MERTK: variants seen among roughly 807,000 people sequenced by gnomAD.
The protein encoded by MERTK is tyrosine-protein kinase Mer.
In MERTK, 69 loss-of-function variants were observed where a neutral mutation model predicts 99.3. That is an observed-to-expected ratio of 0.70 (90% CI 0.57 to 0.85). MERTK has a LOEUF of 0.85. MERTK is among the 40% of genes least tolerant of loss of function. The pLI is 0.00. For synonymous variants in MERTK, 426 were observed against 467.6 expected (o/e 0.91, Z 1.15); for missense variants, 1,125 against 1,249.4 (o/e 0.90, Z 1.50).
intron 6 of MERTK, among the ~76,000 whole-genome samples, chr2:111,972,920 A>G (rs1455335025): frequency 6.6e-6 from 1 of 152,158 alleles, no homozygotes; most frequent in Non-Finnish European, 1.5e-5. Flanking sequence ...GGGACCAAGT[A>G]TGGCTTTGTA....
chr2:111,915,712 A>C (rs1023980803), intron 1 of MERTK, among the ~76,000 whole-genome samples: 13 of 152,126 alleles, frequency 8.5e-5, no homozygotes, highest in African/African-American at 3.1e-4. Context: ...TCTGACCAAC[A>C]TGGTGAAACC....
chr2:111,942,026 T>C (rs903866411), intron 2 of MERTK, among the ~76,000 whole-genome samples: 32 of 152,196 alleles, frequency 2.1e-4, no homozygotes, highest in Non-Finnish European at 4.1e-4. Flanking sequence ...GCTTTGTACC[T>C]CTGGTCTGGG....
chr2:111,964,300 C>T (rs1000013319), intron 4 of MERTK, among the ~76,000 whole-genome samples: 15 of 151,782 alleles, frequency 9.9e-5, no homozygotes, highest in African/African-American at 3.4e-4. Context: ...TCAAATTGTT[C>T]CAGCTTTGGC....
chr2:111,935,653 G>A (rs1473764234), intron 2 of MERTK, among the ~76,000 whole-genome samples: 6 of 90,646 alleles, frequency 6.6e-5, no homozygotes, highest in Non-Finnish European at 1.8e-4. Context: ...GTGTGTGTGT[G>A]TGTGTGTGTG....
intron 6 of MERTK, among the ~76,000 whole-genome samples, chr2:111,969,594 C>CCCACTT: frequency 6.6e-6 from 1 of 152,158 alleles, no homozygotes; most frequent in Admixed American, 6.5e-5. Context: ...CTTAACGCCT[C>CCCACTT]CCACTTTTAT....
At position 112,029,125 on chromosome 2, in the gene MERTK, C is replaced by A; in HGVS notation, c.*261C>A. The A allele has an allele frequency of 9.8e-6, 11 of 1,121,430 alleles. No homozygotes were observed. The highest frequency in any genetic ancestry group is 5.1e-5 in the East Asian group (1 of 19,512). 69.5% of individuals were successfully genotyped at this position (1,121,430 alleles called of 1,614,324 possible). ...TACTTATTTCATTTCACTTATCTTG[C>A]ATATCTTAAAATTAAGCTTCAGCTG... On this transcript the variant is annotated 3_prime_UTR_variant, in exon 19 of 19. Transcript: ENST00000295408.
intron 16 of MERTK, 69 bp downstream of exon 16, chr2:112,019,591 A>G: frequency 8.5e-7 from 1 of 1,178,380 alleles, no homozygotes; most frequent in East Asian, 2.3e-5. Flanking sequence ...GGTTAGTGAG[A>G]GGACCTGTTC....
chr2:112,024,726 T>G (rs902210344), intron 18 of MERTK: 6 of 152,330 alleles, frequency 3.9e-5, no homozygotes, highest in African/African-American at 1.2e-4. Flanking sequence ...GCCAGGAGTT[T>G]GAAATCAGCC....
At chr2:111,939,700 C>T (rs541890387) in intron 2 of MERTK, among the ~76,000 whole-genome samples, 2 of 91,996 alleles carry the variant, frequency 2.2e-5, no homozygotes, top group African/African-American at 8.8e-5. Flanking sequence ...GATGGGTTCT[C>T]GTTATGTTGC....
chr2:111,966,049 A>G (rs994475691), intron 5 of MERTK, among the ~76,000 whole-genome samples: 28 of 152,238 alleles, frequency 1.8e-4, no homozygotes, highest in African/African-American at 6.8e-4. Context: ...ATTAGGTAGT[A>G]TCTTTTTATT....
At chr2:112,025,185 G>T (rs1171196664) in intron 18 of MERTK, among the ~76,000 whole-genome samples, 1 of 152,070 alleles carries the variant, frequency 6.6e-6, no homozygotes, top group Admixed American at 6.5e-5. Flanking sequence ...CTCTTCCTTC[G>T]TGGGGCTGCA....
intron 10 of MERTK, 87 bp from the exon 11 acceptor site, chr2:112,001,114 G>A (rs141952124): frequency 0.017 from 17,138 of 991,900 alleles, 204 homozygotes; most frequent in Non-Finnish European, 0.022. Flanking sequence ...ATTGAAAAGC[G>A]GAAGCTCTGT....
intron 2 of MERTK, among the ~76,000 whole-genome samples, chr2:111,938,826 A>G (rs75924842): frequency 0.022 from 3,321 of 152,158 alleles, 117 homozygotes; most frequent in African/African-American, 0.075. Context: ...AATGGAGATT[A>G]CCCATCTCTT....
chr2:112,009,268 A>G (rs1011709816), intron 14 of MERTK, among the ~76,000 whole-genome samples: 18 of 152,212 alleles, frequency 1.2e-4, no homozygotes, highest in Admixed American at 2.6e-4. Flanking sequence ...ATTCACTGCT[A>G]TTGGCTTCAG....
At chr2:112,028,264 A>G in intron 18 of MERTK, 87 bp from the exon 19 acceptor site, 3 of 1,391,702 alleles carry the variant, frequency 2.2e-6, no homozygotes, top group Non-Finnish European at 3.1e-6. Flanking sequence ...TTAAAATGTG[A>G]TAAAGATTCT....
intron 13 of MERTK, among the ~76,000 whole-genome samples, chr2:112,007,217 C>A (rs550559350): frequency 8.1e-4 from 124 of 152,270 alleles, no homozygotes; most frequent in Middle Eastern, 6.8e-3. Flanking sequence ...TGCGGTAGCA[C>A]GATCTCAGCT....
chr2:112,022,637 G>T lies in MERTK; in HGVS notation c.2486+243G>T. The T allele has an allele frequency of 2.0e-5, 15 of 738,258 alleles. 1 individual carries two copies. The South Asian group carries it at 2.0e-4, about 10-fold the overall frequency. 45.7% of individuals were successfully genotyped at this position (738,258 alleles called of 1,614,324 possible). A position where few individuals can be genotyped will look rare whatever the true frequency, so the allele number is the denominator to read the frequency against. ...CATCCAAAGGGCCTCAGTCTCGAAC[G>T]ACAGGCACGGTCAAGACAAGGCAAT... On this transcript the variant is annotated intron_variant, in intron 18 of 18. Coordinates refer to ENST00000295408, the MANE Select transcript of MERTK (RefSeq NM_006343.3).
chr2:111,970,547 A>G (rs534075668), intron 6 of MERTK, among the ~76,000 whole-genome samples: 2 of 152,342 alleles, frequency 1.3e-5, no homozygotes, highest in African/African-American at 4.8e-5. Flanking sequence ...TGCAGCCATT[A>G]CCACTATCTA....
chr2:111,905,076 T>G (rs1364108420), intron 1 of MERTK, among the ~76,000 whole-genome samples: 1 of 152,228 alleles, frequency 6.6e-6, no homozygotes, highest in African/African-American at 2.4e-5. Flanking sequence ...CAGGCCCCTT[T>G]TGGAGAACAA....
Sources: gnomAD v4.1 joint callset for allele counts (sites outside exome capture counted in the v4.1 genomes callset) on GRCh38, gnomAD v4.1.1 for gene constraint, MANE v1.5 for transcripts, NCBI Gene and HGNC (gene_info 2026-07-23, HGNC 2026-07-21) for gene names.